Variants in NLGN1 observed in about 807,000 individuals in gnomAD.
NLGN1 encodes the protein neuroligin 1.
NLGN1 carries 12 observed loss-of-function variants against 65.5 expected under a neutral mutation model. The ratio of observed to expected loss-of-function variants is 0.18; its 90% CI spans 0.12 to 0.30. The LOEUF (loss-of-function observed/expected upper bound fraction) is 0.30, where lower values mean the gene tolerates loss of function less well. Among genes scored for constraint, NLGN1 ranks in the 10% least tolerant of loss-of-function variants. NLGN1 has a pLI of 1.00. For missense variants in NLGN1, 750 were observed against 1,007.1 expected (o/e 0.74, Z 3.46); for synonymous variants, 350 against 359.5 (o/e 0.97, Z 0.30).
At chr3:173,768,545 C>T (rs943678345) in intron 3 of NLGN1, among the ~76,000 whole-genome samples, 1 of 152,112 alleles carries the variant, frequency 6.6e-6, no homozygotes, top group East Asian at 1.9e-4. Context: ...CATTAGTTTA[C>T]ACCTTATGTA....
At chr3:173,437,851 A>G (rs1718425470) in intron 2 of NLGN1, among the ~76,000 whole-genome samples, 2 of 151,862 alleles carry the variant, frequency 1.3e-5, no homozygotes, top group South Asian at 4.2e-4. Context: ...AAGGTCTGCT[A>G]TCTTTGCCTT....
chr3:173,520,342 C>G (rs955337316), intron 2 of NLGN1, among the ~76,000 whole-genome samples: 1 of 152,118 alleles, frequency 6.6e-6, no homozygotes, highest in Non-Finnish European at 1.5e-5. Context: ...GGAGTAGATG[C>G]AAAATTTTGT....
At chr3:174,257,881 G>A (rs962989672) in intron 4 of NLGN1, among the ~76,000 whole-genome samples, 1 of 150,150 alleles carries the variant, frequency 6.7e-6, no homozygotes. Flanking sequence ...GGGATGATCT[G>A]CGCAGCAACT....
chr3:174,016,097 A>C (rs1164574474), intron 4 of NLGN1, among the ~76,000 whole-genome samples: 2 of 152,138 alleles, frequency 1.3e-5, no homozygotes, highest in African/African-American at 4.8e-5. Context: ...TAATAATGTG[A>C]CTCACAAAAA....
chr3:174,127,930 A>G (rs1561108887), intron 4 of NLGN1, among the ~76,000 whole-genome samples: 2 of 152,292 alleles, frequency 1.3e-5, no homozygotes, highest in East Asian at 3.9e-4. Flanking sequence ...GGGCTATGAT[A>G]AAACTAAAGT....
At chr3:173,874,433 G>T (rs1731754966) in intron 4 of NLGN1, among the ~76,000 whole-genome samples, 1 of 152,152 alleles carries the variant, frequency 6.6e-6, no homozygotes, top group Admixed American at 6.5e-5. Context: ...TACATGTAAG[G>T]CTTAAAATTA....
At chr3:174,099,078 TAAAATC>T (rs1328053292) in intron 4 of NLGN1, among the ~76,000 whole-genome samples, 1 of 152,180 alleles carries the variant, frequency 6.6e-6, no homozygotes, top group Non-Finnish European at 1.5e-5. Flanking sequence ...ACATTTCTAT[TAAAATC>T]AAAACAGTCT....
chr3:173,703,648 T>G (rs988947367), intron 3 of NLGN1, among the ~76,000 whole-genome samples: 2 of 152,164 alleles, frequency 1.3e-5, no homozygotes, highest in African/African-American at 2.4e-5. Flanking sequence ...TACATTCAAG[T>G]GTATTTTAAT....
intron 1 of NLGN1, among the ~76,000 whole-genome samples, chr3:173,419,853 G>T (rs1714641715): frequency 6.6e-6 from 1 of 151,870 alleles, no homozygotes; most frequent in Non-Finnish European, 1.5e-5. Flanking sequence ...TGTGCCTGTA[G>T]TCCCAGCTAC....
At chr3:173,492,650 G>T (rs2149018621) in intron 2 of NLGN1, among the ~76,000 whole-genome samples, 1 of 151,762 alleles carries the variant, frequency 6.6e-6, no homozygotes, top group African/African-American at 2.4e-5. Flanking sequence ...TACATAGCAA[G>T]AAATATAATT....
intron 2 of NLGN1, among the ~76,000 whole-genome samples, chr3:173,522,531 C>T (rs904275730): frequency 6.6e-5 from 10 of 152,038 alleles, no homozygotes; most frequent in South Asian, 2.1e-4. Context: ...CCCAGGTTCA[C>T]GCCATTCTCC....
At chr3:173,782,710 T>G (rs1448258376) in intron 3 of NLGN1, among the ~76,000 whole-genome samples, 2 of 151,860 alleles carry the variant, frequency 1.3e-5, no homozygotes, top group Admixed American at 6.6e-5. Context: ...TTTTTCTTTT[T>G]GCATTGTTCT....
At chr3:173,781,154 A>AAAAAAAAAAAAAAAAG (rs1175719248) in intron 3 of NLGN1, among the ~76,000 whole-genome samples, 1 of 150,770 alleles carries the variant, frequency 6.6e-6, no homozygotes, top group African/African-American at 2.4e-5. Context: ...CAAAAAAAAA[A>AAAAAAAAAAAAAAAAG]AAGTAAATAT....
At chr3:173,905,238 A>G (rs1738152451) in intron 4 of NLGN1, among the ~76,000 whole-genome samples, 1 of 152,158 alleles carries the variant, frequency 6.6e-6, no homozygotes, top group Non-Finnish European at 1.5e-5. Flanking sequence ...TTACAGATGA[A>G]TGGCACTGCA....
At chr3:173,811,535 C>T (rs537710604) in intron 4 of NLGN1, among the ~76,000 whole-genome samples, 1 of 141,916 alleles carries the variant, frequency 7.0e-6, no homozygotes, top group East Asian at 2.1e-4. Flanking sequence ...CCATTACACT[C>T]TAGCCTGGGT....
At chr3:173,769,694 T>C (rs1477624710) in intron 3 of NLGN1, among the ~76,000 whole-genome samples, 1 of 152,172 alleles carries the variant, frequency 6.6e-6, no homozygotes, top group Non-Finnish European at 1.5e-5. Context: ...GGGCTGCAGA[T>C]AGAGGCACTG....
intron 4 of NLGN1, among the ~76,000 whole-genome samples, chr3:173,886,098 C>A (rs1284067295): frequency 6.6e-6 from 1 of 152,094 alleles, no homozygotes. Flanking sequence ...TGTGTACACA[C>A]AGACTCTTAT....
At chr3:173,538,482 C>T (rs1737832704) in intron 2 of NLGN1, among the ~76,000 whole-genome samples, 1 of 152,108 alleles carries the variant, frequency 6.6e-6, no homozygotes, top group African/African-American at 2.4e-5. Flanking sequence ...TTGGTAGAAA[C>T]GTTATGCGCA....
intron 3 of NLGN1, among the ~76,000 whole-genome samples, chr3:173,713,926 A>T (rs1027865028): frequency 1.3e-5 from 2 of 152,120 alleles, no homozygotes; most frequent in Admixed American, 1.3e-4. Flanking sequence ...CTAAAGAGTT[A>T]TGCTTTTTAT....
Sources: gnomAD v4.1 joint callset for allele counts (sites outside exome capture counted in the v4.1 genomes callset) on GRCh38, gnomAD v4.1.1 for gene constraint, MANE v1.5 for transcripts, NCBI Gene and HGNC (gene_info 2026-07-23, HGNC 2026-07-21) for gene names.